Variants in NELL1 observed in about 807,000 individuals in gnomAD.
NELL1 encodes neural EGFL like 1.
A neutral mutation model predicts 107.4 loss-of-function variants in NELL1; 76 were observed. The ratio of observed to expected loss-of-function variants is 0.71; its 90% CI spans 0.59 to 0.86. The LOEUF is 0.86. Among genes scored for constraint, NELL1 ranks in the 40% least tolerant of loss-of-function variants. NELL1 has a pLI of 0.00. For missense variants in NELL1, 1,024 were observed against 1,005.5 expected (o/e 1.02, Z -0.25); for synonymous variants, 353 against 341.2 (o/e 1.03, Z -0.38).
intron 13 of NELL1, among the ~76,000 whole-genome samples, chr11:21,163,646 A>G (rs2133803360): frequency 6.6e-6 from 1 of 152,278 alleles, no homozygotes; most frequent in Admixed American, 6.5e-5. Context: ...TTTATTTCTC[A>G]TAGTTCTGGG....
chr11:21,523,512 T>G (rs1444446828), intron 15 of NELL1, among the ~76,000 whole-genome samples: 1 of 152,194 alleles, frequency 6.6e-6, no homozygotes, highest in Admixed American at 6.5e-5. Flanking sequence ...CTATTACCTC[T>G]AATACATTTT....
intron 11 of NELL1, among the ~76,000 whole-genome samples, chr11:20,953,606 A>G (rs1851110893): frequency 6.6e-6 from 1 of 152,182 alleles, no homozygotes; most frequent in Admixed American, 6.5e-5. Context: ...AGCTCGATAC[A>G]GGACCACCAC....
At chr11:21,431,096 T>C (rs1238252995) in intron 15 of NELL1, among the ~76,000 whole-genome samples, 1 of 152,172 alleles carries the variant, frequency 6.6e-6, no homozygotes, top group Non-Finnish European at 1.5e-5. Context: ...TATGATGATA[T>C]TGATTCAGAA....
chr11:21,308,146 A>G (rs1227527008), intron 14 of NELL1, among the ~76,000 whole-genome samples: 1 of 152,090 alleles, frequency 6.6e-6, no homozygotes, highest in Non-Finnish European at 1.5e-5. Flanking sequence ...TTTATCAATA[A>G]GGATAGTAAT....
At chr11:20,926,766 T>C (rs1334609769) in intron 7 of NELL1, among the ~76,000 whole-genome samples, 1 of 152,216 alleles carries the variant, frequency 6.6e-6, no homozygotes, top group African/African-American at 2.4e-5. Context: ...AGTGAATTCC[T>C]GGGGCATTCT....
intron 2 of NELL1, among the ~76,000 whole-genome samples, chr11:20,755,534 GTTTT>G (rs1364309032): frequency 2.2e-5 from 2 of 90,284 alleles, no homozygotes; most frequent in Non-Finnish European, 5.5e-5. Flanking sequence ...ACCTGTGTGG[GTTTT>G]TGTTTTTTTT....
chr11:20,907,148 G>A (rs1467972587), intron 5 of NELL1, among the ~76,000 whole-genome samples: 1 of 147,322 alleles, frequency 6.8e-6, no homozygotes, highest in Non-Finnish European at 1.5e-5. Context: ...AAATATAATA[G>A]CTACAACCAC....
chr11:21,228,685 T>TCCCA (rs1328941999), intron 13 of NELL1, among the ~76,000 whole-genome samples: 2 of 22,856 alleles, frequency 8.8e-5, no homozygotes, highest in Non-Finnish European at 1.6e-4. Flanking sequence ...CCCTCTCCCC[T>TCCCA]CCCCTCCCCT....
At chr11:21,478,670 A>G (rs569521887) in intron 15 of NELL1, among the ~76,000 whole-genome samples, 5 of 150,806 alleles carry the variant, frequency 3.3e-5, no homozygotes, top group African/African-American at 1.2e-4. Context: ...AAGTAAAATT[A>G]GAGAAATGGG....
chr11:20,869,569 A>C (rs1380217280), intron 4 of NELL1, among the ~76,000 whole-genome samples: 2 of 152,182 alleles, frequency 1.3e-5, no homozygotes, highest in African/African-American at 4.8e-5. Context: ...TGAGTGCATA[A>C]GTGCAAAAAT....
At position 21,040,034 on chromosome 11, in the gene NELL1, A is replaced by G. The variant is rs972265570; in HGVS notation, c.1301-73555A>G. On this transcript the variant is annotated intron_variant, in intron 12 of 19. Coordinates refer to ENST00000357134, the MANE Select transcript of NELL1 (RefSeq NM_006157.5). ...GGTGGAAAATACAGATAAAATATAA[A>G]TAAAAATATATTTCCTCCTAATCTC... Among the ~76,000 whole-genome samples, 4 of 152,208 alleles carry G rather than the reference A, an allele frequency of 2.6e-5. No homozygotes were observed. The South Asian group carries it at 8.3e-4, about 32-fold the overall frequency.
intron 11 of NELL1, among the ~76,000 whole-genome samples, chr11:20,949,053 C>A (rs1851022157): frequency 6.6e-6 from 1 of 152,038 alleles, no homozygotes; most frequent in Admixed American, 6.6e-5. Context: ...GTTTCTGTTA[C>A]AACTAACAGA....
chr11:21,422,092 CATAT>C (rs1321726485), intron 15 of NELL1, among the ~76,000 whole-genome samples: 134 of 50,076 alleles, frequency 2.7e-3, no homozygotes, highest in African/African-American at 4.6e-3. Flanking sequence ...GACATTTACA[CATAT>C]GTGTGTGTGT....
chr11:21,402,111 C>T (rs1852111934), intron 15 of NELL1, among the ~76,000 whole-genome samples: 1 of 151,756 alleles, frequency 6.6e-6, no homozygotes, highest in African/African-American at 2.4e-5. Flanking sequence ...ATTCAGCTTG[C>T]CTTCTAGTCC....
chr11:21,443,220 C>G (rs983269445), intron 15 of NELL1, among the ~76,000 whole-genome samples: 1 of 152,004 alleles, frequency 6.6e-6, no homozygotes, highest in Non-Finnish European at 1.5e-5. Context: ...TTATGAGGAG[C>G]CCAATTTCTG....
chr11:21,250,358 CG>C, intron 14 of NELL1, among the ~76,000 whole-genome samples: 1 of 152,250 alleles, frequency 6.6e-6, no homozygotes, highest in East Asian at 1.9e-4. Context: ...CCACTCCACT[CG>C]GGGGCCTTTC....
At chr11:20,695,786 C>T (rs917494531) in intron 2 of NELL1, among the ~76,000 whole-genome samples, 11 of 152,008 alleles carry the variant, frequency 7.2e-5, no homozygotes, top group African/African-American at 1.4e-4. Context: ...ATGCTGGCTT[C>T]GTAGAATGAG....
chr11:20,795,342 C>T (rs1857149542), intron 3 of NELL1, among the ~76,000 whole-genome samples: 1 of 152,084 alleles, frequency 6.6e-6, no homozygotes, highest in Non-Finnish European at 1.5e-5. Context: ...GAAATAGGCT[C>T]TTTTATGTAA....
intron 14 of NELL1, among the ~76,000 whole-genome samples, chr11:21,318,403 C>T (rs1292295867): frequency 1.3e-5 from 2 of 152,136 alleles, no homozygotes; most frequent in Non-Finnish European, 1.5e-5. Flanking sequence ...GAATAGTTTA[C>T]CTCTTCCCAG....
Sources: gnomAD v4.1 joint callset for allele counts (sites outside exome capture counted in the v4.1 genomes callset) on GRCh38, gnomAD v4.1.1 for gene constraint, MANE v1.5 for transcripts, NCBI Gene and HGNC (gene_info 2026-07-23, HGNC 2026-07-21) for gene names.